CDH4: variants seen among roughly 807,000 people sequenced by gnomAD.
CDH4 encodes the protein cadherin-4.
Under a neutral mutation model 86.0 loss-of-function variants are expected in CDH4, and 33 were observed. The ratio of observed to expected loss-of-function variants is 0.38; its 90% CI spans 0.29 to 0.51. The LOEUF (loss-of-function observed/expected upper bound fraction) is 0.51, where lower values mean the gene tolerates loss of function less well. Ranked by LOEUF, CDH4 falls within the 20% of genes least tolerant of loss-of-function variation. The pLI is 0.86. For synonymous variants in CDH4, 555 were observed against 549.4 expected, an observed-to-expected ratio of 1.01 and a Z score of -0.14; for missense variants, 1,114 against 1,307.4, an observed-to-expected ratio of 0.85 and a Z score of 2.28.
intron 7 of CDH4, among the ~76,000 whole-genome samples, chr20:61,880,661 A>G (rs1327964022): frequency 1.3e-5 from 2 of 152,194 alleles, no homozygotes; most frequent in Non-Finnish European, 2.9e-5. Flanking sequence ...GGTCACCCCC[A>G]GGACGCAGAG....
At chr20:61,924,498 C>A in intron 11 of CDH4, 22 bp downstream of exon 11, 1 of 1,605,412 alleles carries the variant, frequency 6.2e-7, no homozygotes, top group East Asian at 2.2e-5. Context: ...CCCAGGGAGG[C>A]AGCCGTCTCG....
chr20:61,831,150 G>A (rs1421303304), intron 4 of CDH4, among the ~76,000 whole-genome samples: 1 of 152,212 alleles, frequency 6.6e-6, no homozygotes, highest in African/African-American at 2.4e-5. Context: ...CTGGCGTTAT[G>A]TCCCTGGTAG....
intron 2 of CDH4, among the ~76,000 whole-genome samples, chr20:61,636,985 G>T (rs944270): frequency 3.3e-5 from 5 of 151,994 alleles, no homozygotes; most frequent in African/African-American, 9.6e-5. Context: ...ACCCCTCGGC[G>T]TGCAGAGATC....
chr20:61,563,165 A>G (rs964046021), intron 2 of CDH4, among the ~76,000 whole-genome samples: 2 of 152,162 alleles, frequency 1.3e-5, no homozygotes, highest in Non-Finnish European at 2.9e-5. Context: ...ATTCTACACA[A>G]GGGCCCACGG....
At chr20:61,497,101 T>C (rs2085668834) in intron 2 of CDH4, among the ~76,000 whole-genome samples, 1 of 152,162 alleles carries the variant, frequency 6.6e-6, no homozygotes, top group South Asian at 2.1e-4. Flanking sequence ...ACTCTCCACC[T>C]GTCTGTGTAC....
At chr20:61,386,170 C>T (rs930753853) in intron 2 of CDH4, among the ~76,000 whole-genome samples, 3 of 152,268 alleles carry the variant, frequency 2.0e-5, no homozygotes, top group East Asian at 1.9e-4. Flanking sequence ...GAATAGACCA[C>T]GTACCACTGC....
At chr20:61,735,220 G>A (rs1384597217) in intron 2 of CDH4, among the ~76,000 whole-genome samples, 2 of 152,216 alleles carry the variant, frequency 1.3e-5, no homozygotes, top group African/African-American at 4.8e-5. Context: ...ACAGAGCTCA[G>A]GAGGACTCCC....
chr20:61,455,073 A>G (rs1336116084), intron 2 of CDH4, among the ~76,000 whole-genome samples: 2 of 152,180 alleles, frequency 1.3e-5, no homozygotes, highest in Non-Finnish European at 2.9e-5. Flanking sequence ...GCACATTTTC[A>G]TCACCCCAAA....
intron 2 of CDH4, among the ~76,000 whole-genome samples, chr20:61,531,265 A>T (rs1284113261): frequency 6.6e-6 from 1 of 152,136 alleles, no homozygotes; most frequent in Non-Finnish European, 1.5e-5. Context: ...TGAGGTCAGG[A>T]GTTCAAGACC....
chr20:61,422,719 T>C (rs1249305567), intron 2 of CDH4, among the ~76,000 whole-genome samples: 1 of 152,144 alleles, frequency 6.6e-6, no homozygotes, highest in Non-Finnish European at 1.5e-5. Context: ...AGGGGCCTCA[T>C]CTGGCCTCAG....
rs186219852 is a variant in CDH4, at chr20:61,270,956, G to A, written c.169+16019G>A. Among the ~76,000 whole-genome samples, 22 of 152,234 alleles carry A rather than the reference G, an allele frequency of 1.4e-4. No homozygotes were observed. In the East Asian group the frequency reaches 4.1e-3, roughly 28 times the overall value. On this transcript the variant is annotated intron_variant, in intron 2 of 15. Transcript: ENST00000614565. ...ACTTTCTGAGGCACATCTTTATTGC[G>A]GTCGATCTAGCCGCCCTGACACACT...
At chr20:61,574,544 T>C (rs1056171909) in intron 2 of CDH4, among the ~76,000 whole-genome samples, 2 of 152,146 alleles carry the variant, frequency 1.3e-5, no homozygotes, top group African/African-American at 4.8e-5. Context: ...ATTGCAAGCT[T>C]GTGGATCTTA....
chr20:61,723,517 A>C (rs2088067381), intron 2 of CDH4, among the ~76,000 whole-genome samples: 1 of 152,104 alleles, frequency 6.6e-6, no homozygotes, highest in Non-Finnish European at 1.5e-5. Context: ...ACTGGGCATG[A>C]TGGGCACCTG....
intron 2 of CDH4, among the ~76,000 whole-genome samples, chr20:61,588,358 C>T (rs1205286484): frequency 6.6e-6 from 1 of 152,214 alleles, no homozygotes; most frequent in Non-Finnish European, 1.5e-5. Context: ...GTCCTGCTTC[C>T]AGAAGGTCTG....
At chr20:61,747,385 T>G (rs1481915232) in intron 3 of CDH4, among the ~76,000 whole-genome samples, 1 of 143,286 alleles carries the variant, frequency 7.0e-6, no homozygotes, top group Non-Finnish European at 1.5e-5. Flanking sequence ...GAGGCGGAGC[T>G]CGCAGTGAGC....
chr20:61,597,370 G>T (rs73611543), intron 2 of CDH4, among the ~76,000 whole-genome samples: 13,059 of 152,236 alleles, frequency 0.086, 707 homozygotes, highest in East Asian at 0.23. Flanking sequence ...TCACCTTGGG[G>T]TATACAAGGA....
chr20:61,790,974 C>G (rs1000306097), intron 4 of CDH4, among the ~76,000 whole-genome samples: 1 of 152,262 alleles, frequency 6.6e-6, no homozygotes, highest in Non-Finnish European at 1.5e-5. Context: ...ATCCTCAGTG[C>G]TCTCACCCTC....
intron 2 of CDH4, among the ~76,000 whole-genome samples, chr20:61,311,283 A>AG (rs1225367638): frequency 2.6e-5 from 4 of 152,236 alleles, no homozygotes; most frequent in Non-Finnish European, 5.9e-5. Flanking sequence ...CAGAAAAAAA[A>AG]GTAATGAAAT....
chr20:61,292,939 G>A (rs989927817), intron 2 of CDH4, among the ~76,000 whole-genome samples: 1 of 152,206 alleles, frequency 6.6e-6, no homozygotes, highest in East Asian at 1.9e-4. Flanking sequence ...GGCAGTGCCT[G>A]CCTGTTTCAG....
Sources: allele counts gnomAD v4.1 joint callset (sites outside exome capture counted in the v4.1 genomes callset), GRCh38; gene constraint gnomAD v4.1.1; transcripts MANE v1.5; gene names NCBI Gene and HGNC (gene_info 2026-07-23, HGNC 2026-07-21).